The following TAFA4 variants were observed in gnomAD, a reference collection of about 807,000 sequenced individuals.
TAFA4 encodes the protein chemokine-like protein TAFA-4.
A neutral mutation model predicts 21.1 loss-of-function variants in TAFA4; 20 were observed. The observed-to-expected ratio is 0.95, with a 90% CI of 0.67 to 1.38. The LOEUF (loss-of-function observed/expected upper bound fraction) is 1.38, where lower values mean the gene tolerates loss of function less well. Among genes scored for constraint, TAFA4 ranks in the 40% most tolerant of loss-of-function variants. The pLI is 0.00. For missense variants in TAFA4, 211 were observed against 180.9 expected, an observed-to-expected ratio of 1.17 and a Z score of -0.95; for synonymous variants, 71 against 67.4, an observed-to-expected ratio of 1.05 and a Z score of -0.26.
intron 3 of TAFA4, among the ~76,000 whole-genome samples, chr3:68,850,653 G>A (rs1056606586): frequency 6.6e-6 from 1 of 152,034 alleles, no homozygotes; most frequent in African/African-American, 2.4e-5. Context: ...GTGATGTCAA[G>A]CTTTTTTTCA....
intron 3 of TAFA4, among the ~76,000 whole-genome samples, chr3:68,845,369 T>C (rs1704761505): frequency 6.6e-6 from 1 of 152,192 alleles, no homozygotes; most frequent in Non-Finnish European, 1.5e-5. Flanking sequence ...TTGGTAAGTA[T>C]TCTTCCATTC....
chr3:68,784,411 TC>T (rs749788411), intron 3 of TAFA4, among the ~76,000 whole-genome samples: 2 of 152,160 alleles, frequency 1.3e-5, no homozygotes, highest in Non-Finnish European at 2.9e-5. Flanking sequence ...GTTTGGAGTT[TC>T]TTCCTTCTGG....
intron 1 of TAFA4, among the ~76,000 whole-genome samples, chr3:68,923,620 T>C (rs1339062955): frequency 1.3e-5 from 2 of 152,134 alleles, no homozygotes; most frequent in Admixed American, 6.5e-5. Context: ...ACAGTGTGTA[T>C]TTATTGCCTG....
intron 3 of TAFA4, among the ~76,000 whole-genome samples, chr3:68,773,545 G>C (rs113845655): frequency 0.014 from 2,096 of 152,228 alleles, 51 homozygotes; most frequent in African/African-American, 0.048. Context: ...GACACTGGAA[G>C]TTCCATCCCT....
At chr3:68,909,178 C>T (rs1403024486) in intron 1 of TAFA4, among the ~76,000 whole-genome samples, 1 of 152,066 alleles carries the variant, frequency 6.6e-6, no homozygotes, top group East Asian at 1.9e-4. Context: ...TGGCAAACCC[C>T]CCAAAAAAAA....
At chr3:68,920,611 G>A (rs1209205980) in intron 1 of TAFA4, among the ~76,000 whole-genome samples, 1 of 149,552 alleles carries the variant, frequency 6.7e-6, no homozygotes, top group Non-Finnish European at 1.5e-5. Flanking sequence ...TGTAGAGAGA[G>A]TTAGAAGTGA....
At chr3:68,909,297 G>C (rs969002015) in intron 1 of TAFA4, among the ~76,000 whole-genome samples, 2 of 152,180 alleles carry the variant, frequency 1.3e-5, no homozygotes, top group African/African-American at 4.8e-5. Flanking sequence ...TTAGGACTTA[G>C]AGAAATTACA....
At chr3:68,840,505 C>A (rs373043976) in intron 3 of TAFA4, among the ~76,000 whole-genome samples, 5 of 152,308 alleles carry the variant, frequency 3.3e-5, no homozygotes, top group African/African-American at 1.2e-4. Context: ...GTGTGAGCCA[C>A]AATGCCCAGC....
chr3:68,765,997 A>G (rs1436614871), intron 3 of TAFA4, among the ~76,000 whole-genome samples: 2 of 152,204 alleles, frequency 1.3e-5, no homozygotes, highest in East Asian at 3.9e-4. Flanking sequence ...TCCATAAAAA[A>G]GGTACAATGC....
intron 3 of TAFA4, among the ~76,000 whole-genome samples, chr3:68,780,581 T>G (rs1703136483): frequency 6.6e-6 from 1 of 152,230 alleles, no homozygotes; most frequent in Non-Finnish European, 1.5e-5. Flanking sequence ...CTTTGCCTGC[T>G]GCCATCAGTG....
chr3:68,820,851 T>G (rs1238562040), intron 3 of TAFA4, among the ~76,000 whole-genome samples: 1 of 152,128 alleles, frequency 6.6e-6, no homozygotes, highest in Non-Finnish European at 1.5e-5. Context: ...ATTAAAAAAA[T>G]TATTAAAGTC....
chr3:68,892,697 G>C (rs921014229), intron 1 of TAFA4, among the ~76,000 whole-genome samples: 1 of 152,208 alleles, frequency 6.6e-6, no homozygotes, highest in Non-Finnish European at 1.5e-5. Flanking sequence ...TTTAAGAACT[G>C]AGAAATTCCT....
chr3:68,783,306 A>G (rs1674471782), intron 3 of TAFA4, among the ~76,000 whole-genome samples: 2 of 152,212 alleles, frequency 1.3e-5, no homozygotes, highest in African/African-American at 4.8e-5. Context: ...AGAAATAAAA[A>G]GCAAATAAAC....
chr3:68,819,893 T>G (rs1704075733), intron 3 of TAFA4, among the ~76,000 whole-genome samples: 1 of 152,112 alleles, frequency 6.6e-6, no homozygotes, highest in African/African-American at 2.4e-5. Context: ...TTGACAAAAT[T>G]AAAAATAGAA....
intron 1 of TAFA4, among the ~76,000 whole-genome samples, chr3:68,889,019 A>C (rs1439495891): frequency 6.6e-6 from 1 of 152,214 alleles, no homozygotes; most frequent in Non-Finnish European, 1.5e-5. Context: ...ACTTGCAATC[A>C]TTTTATTCCT....
chr3:68,840,204 T>C (rs908702627), intron 3 of TAFA4, among the ~76,000 whole-genome samples: 2 of 152,154 alleles, frequency 1.3e-5, no homozygotes, highest in African/African-American at 4.8e-5. Flanking sequence ...GTTGGTTGAA[T>C]GATTGAATGA....
intron 3 of TAFA4, among the ~76,000 whole-genome samples, chr3:68,863,070 CAAAAAAA>C (rs762098423): frequency 2.6e-5 from 2 of 77,946 alleles, no homozygotes; most frequent in East Asian, 3.6e-4. Flanking sequence ...CCCATCTCTA[CAAAAAAA>C]AAAAAAAAAA....
intron 3 of TAFA4, among the ~76,000 whole-genome samples, chr3:68,772,296 A>T (rs943258488): frequency 6.6e-6 from 1 of 152,228 alleles, no homozygotes; most frequent in Non-Finnish European, 1.5e-5. Context: ...GATATTAAGG[A>T]ATACTTAAAA....
intron 5 of TAFA4, among the ~76,000 whole-genome samples, chr3:68,738,052 T>C (rs1423961546): frequency 6.6e-6 from 1 of 152,176 alleles, no homozygotes; most frequent in Non-Finnish European, 1.5e-5. Context: ...CTCTAGGTAT[T>C]AAGCAAAATA....
Sources: gnomAD v4.1 joint callset for allele counts (sites outside exome capture counted in the v4.1 genomes callset) on GRCh38, gnomAD v4.1.1 for gene constraint, MANE v1.5 for transcripts, NCBI Gene and HGNC (gene_info 2026-07-23, HGNC 2026-07-21) for gene names.